LGR6: variants seen among roughly 807,000 people sequenced by gnomAD.
The protein encoded by LGR6 is leucine rich repeat containing G protein-coupled receptor 6.
In LGR6, 45 loss-of-function variants were observed where a neutral mutation model predicts 69.4. The observed-to-expected ratio is 0.65, with a 90% CI of 0.51 to 0.83. The LOEUF (loss-of-function observed/expected upper bound fraction) is 0.83. Among genes scored for constraint, LGR6 ranks in the 40% least tolerant of loss-of-function variants. The probability of loss-of-function intolerance (pLI) is 0.00; values close to 1 mark genes in which losing one functional copy is unlikely to be tolerated. For missense variants in LGR6, 1,108 were observed against 1,246.7 expected (o/e 0.89, Z 1.68); for synonymous variants, 538 against 555.0 (o/e 0.97, Z 0.43).
chr1:202,259,318 C>T (rs1395789575), intron 4 of LGR6, among the ~76,000 whole-genome samples: 2 of 152,238 alleles, frequency 1.3e-5, no homozygotes, highest in East Asian at 3.9e-4. Context: ...ATCCCTGGAA[C>T]AATTTATAGA....
chr1:202,311,625 A>C (rs1250765820), intron 16 of LGR6, among the ~76,000 whole-genome samples: 2 of 152,242 alleles, frequency 1.3e-5, no homozygotes. Flanking sequence ...GCACCACTGC[A>C]AACTCCAGCC....
chr1:202,195,251 G>T (rs1204595566), intron 1 of LGR6, among the ~76,000 whole-genome samples: 2 of 152,186 alleles, frequency 1.3e-5, no homozygotes, highest in East Asian at 3.9e-4. Flanking sequence ...TGGCTTTGGG[G>T]TTCCAGCACA....
chr1:202,197,181 C>G lies in LGR6; in HGVS notation c.212+2980C>G. 8.1e-6 allele frequency: 4 copies of G among 494,964 alleles called. No homozygotes were observed. The Admixed American group carries it at 9.1e-5, about 11-fold the overall frequency. 30.7% of individuals were successfully genotyped at this position (494,964 alleles called of 1,614,324 possible). A position where few individuals can be genotyped will look rare whatever the true frequency, so the allele number is the denominator to read the frequency against. Reference sequence around the variant, plus strand: ...AAAAATGACATCACATCTCTTCCCCCACTCCACGGCTGTGAGATTTTCTCC... The same window carrying G: ...AAAAATGACATCACATCTCTTCCCCGACTCCACGGCTGTGAGATTTTCTCC... On this transcript the variant is annotated intron_variant, in intron 1 of 17. Transcript: ENST00000367278.
chr1:202,316,060 G>A (rs1654117213), intron 17 of LGR6, among the ~76,000 whole-genome samples: 1 of 152,154 alleles, frequency 6.6e-6, no homozygotes, highest in Non-Finnish European at 1.5e-5. Context: ...ATATTTCTCT[G>A]GGAAAAAATT....
intron 6 of LGR6, among the ~76,000 whole-genome samples, chr1:202,291,537 A>C (rs1666793557): frequency 6.6e-6 from 1 of 152,206 alleles, no homozygotes; most frequent in Non-Finnish European, 1.5e-5. Context: ...ACATTCACAT[A>C]TGTGGCCTTG....
intron 6 of LGR6, 136 bp downstream of exon 6, chr1:202,280,988 C>T: frequency 1.5e-6 from 1 of 676,960 alleles, no homozygotes; most frequent in Non-Finnish European, 2.5e-6. Context: ...TGTTTACCCA[C>T]ATGCCCCTCC....
chr1:202,235,074 C>T (rs1012230351), intron 3 of LGR6, among the ~76,000 whole-genome samples: 6 of 152,184 alleles, frequency 3.9e-5, no homozygotes, highest in South Asian at 2.1e-4. Context: ...GGACTCCCTG[C>T]GCTTTCGAGT....
chr1:202,218,872 T>G (rs1362776758), intron 1 of LGR6, among the ~76,000 whole-genome samples: 1 of 152,142 alleles, frequency 6.6e-6, no homozygotes, highest in African/African-American at 2.4e-5. Flanking sequence ...GGAGTACATA[T>G]ATGGAGGTTT....
chr1:202,307,312 C>T lies in LGR6; in HGVS notation c.1209-18C>T, dbSNP rs767103850. The T allele has an allele frequency of 1.3e-5, 21 of 1,613,266 alleles. No individual in the cohort carries two copies. The highest frequency in any genetic ancestry group is 1.8e-5 in the Non-Finnish European group (21 of 1,179,300). On this transcript the variant is annotated intron_variant, in intron 13 of 17. Coordinates refer to ENST00000367278, the MANE Select transcript of LGR6 (RefSeq NM_001017403.2). ...CACATGTTACTGTCCCCTCCTGTCA[C>T]ACCCTCTCTGCCTGCAGGGATCTTA...
chr1:202,288,469 T>C (rs1401094123), intron 6 of LGR6, among the ~76,000 whole-genome samples: 1 of 152,146 alleles, frequency 6.6e-6, no homozygotes, highest in Non-Finnish European at 1.5e-5. Flanking sequence ...GAACAAATAT[T>C]TCAACAAATA....
chr1:202,244,339 T>C (rs1163247639), intron 4 of LGR6, among the ~76,000 whole-genome samples: 1 of 152,170 alleles, frequency 6.6e-6, no homozygotes, highest in African/African-American at 2.4e-5. Context: ...AAGAAAAGGA[T>C]GTGGTATCGG....
intron 4 of LGR6, among the ~76,000 whole-genome samples, chr1:202,262,224 C>T (rs1240041481): frequency 1.3e-4 from 20 of 151,970 alleles, no homozygotes; most frequent in African/African-American, 4.8e-4. Flanking sequence ...TTAGGTCTAA[C>T]ATTTAAGTCT....
At chr1:202,239,274 T>G (rs374057067) in intron 4 of LGR6, among the ~76,000 whole-genome samples, 1 of 152,182 alleles carries the variant, frequency 6.6e-6, no homozygotes, top group South Asian at 2.1e-4. Context: ...GGGGACAATC[T>G]TTCAGAACCA....
chr1:202,267,232 G>A (rs1013112805), intron 4 of LGR6, among the ~76,000 whole-genome samples: 3 of 152,206 alleles, frequency 2.0e-5, no homozygotes, highest in Admixed American at 1.3e-4. Flanking sequence ...ATGGAGGGAT[G>A]ATGGATCTGG....
chr1:202,303,382 C>A (rs1378129703), intron 10 of LGR6, 35 bp downstream of exon 10: 2 of 1,542,742 alleles, frequency 1.3e-6, no homozygotes, highest in African/African-American at 1.4e-5. Flanking sequence ...TTATCTATCG[C>A]CCCAGCTTCA....
chr1:202,274,701 G>A (rs1315739489), intron 4 of LGR6, among the ~76,000 whole-genome samples: 1 of 152,198 alleles, frequency 6.6e-6, no homozygotes, highest in African/African-American at 2.4e-5. Flanking sequence ...GATGGTCCAT[G>A]GGAGTCCACA....
chr1:202,304,561 C>T lies in LGR6; in HGVS notation c.1001C>T (p.Thr334Ile), dbSNP rs200343099. ...CTCTGTCTCTGTTCTCCCTGCAGGACCCTGACCCGCGCAGGCATCCGGCTG... is the reference window on the plus strand; with the variant it reads ...CTCTGTCTCTGTTCTCCCTGCAGGATCCTGACCCGCGCAGGCATCCGGCTG... ...LKGTTSLEILTLTRAGIRLLP... is the reference protein window; with the variant it reads ...LKGTTSLEILILTRAGIRLLP... Residue 334 changes from threonine to isoleucine, a missense_variant and splice_region_variant, in exon 11 of 18, where the codon ACC becomes ATC. Thr to Ile is a moderately conservative substitution (Grantham distance 89). Transcript: ENST00000367278. 1.7e-5 allele frequency: 28 copies of T among 1,607,044 alleles called. No homozygotes were observed. Among genetic ancestry groups the T allele is most frequent in the Admixed American group, 5.0e-5 (3 of 59,908 alleles).
intron 1 of LGR6, chr1:202,197,079 A>G: frequency 1.9e-6 from 1 of 533,268 alleles, no homozygotes; most frequent in South Asian, 1.4e-5. Flanking sequence ...AGACAGAACT[A>G]TAGGAGGCGC....
intron 10 of LGR6, among the ~76,000 whole-genome samples, chr1:202,304,287 G>A (rs1667814530): frequency 6.6e-6 from 1 of 152,206 alleles, no homozygotes; most frequent in South Asian, 2.1e-4. Context: ...GGGATGGGAT[G>A]GGGATGGCTG....
Sources: gnomAD v4.1 joint callset for allele counts (sites outside exome capture counted in the v4.1 genomes callset) on GRCh38, gnomAD v4.1.1 for gene constraint, MANE v1.5 for transcripts, NCBI Gene and HGNC (gene_info 2026-07-23, HGNC 2026-07-21) for gene names.